MRPS27: variants seen among roughly 807,000 people sequenced by gnomAD.
The protein encoded by MRPS27 is small ribosomal subunit protein mS27.
MRPS27 carries 43 observed loss-of-function variants against 48.9 expected under a neutral mutation model. The ratio of observed to expected loss-of-function variants is 0.88; its 90% CI spans 0.69 to 1.13. The LOEUF (loss-of-function observed/expected upper bound fraction) is 1.13. MRPS27 is among the 50% of genes most tolerant of loss of function. MRPS27 has a pLI of 0.00. For synonymous variants in MRPS27, 188 were observed against 171.9 expected, an observed-to-expected ratio of 1.09 and a Z score of -0.73; for missense variants, 467 against 476.3, an observed-to-expected ratio of 0.98 and a Z score of 0.18.
At chr5:72,266,613 A>G (rs1033718509) in intron 4 of MRPS27, among the ~76,000 whole-genome samples, 2 of 152,218 alleles carry the variant, frequency 1.3e-5, no homozygotes, top group African/African-American at 4.8e-5. Context: ...TAATCCCAGC[A>G]CTTTGGGAGG....
At chr5:72,269,820 T>A (rs1407724221) in intron 4 of MRPS27, among the ~76,000 whole-genome samples, 1 of 152,000 alleles carries the variant, frequency 6.6e-6, no homozygotes, top group Non-Finnish European at 1.5e-5. Context: ...AACAGAAAAA[T>A]TTCTTGGGAT....
chr5:72,230,484 T>C (rs1748030687), intron 7 of MRPS27, among the ~76,000 whole-genome samples: 1 of 152,208 alleles, frequency 6.6e-6, no homozygotes, highest in Admixed American at 6.5e-5. Context: ...ATGCATTTAA[T>C]TGACTTTTTT....
chr5:72,296,348 A>T (rs1490365263), intron 3 of MRPS27, among the ~76,000 whole-genome samples: 2 of 152,182 alleles, frequency 1.3e-5, no homozygotes, highest in Non-Finnish European at 2.9e-5. Context: ...GCACTTCTGG[A>T]CTTGACTTAG....
chr5:72,230,363 TAA>T (rs907042143), intron 7 of MRPS27, among the ~76,000 whole-genome samples: 4 of 152,212 alleles, frequency 2.6e-5, no homozygotes, highest in African/African-American at 9.6e-5. Context: ...CTAGGCATCT[TAA>T]AAGAGTTGTC....
intron 4 of MRPS27, among the ~76,000 whole-genome samples, chr5:72,265,358 G>A (rs1247914185): frequency 6.6e-6 from 1 of 152,154 alleles, no homozygotes; most frequent in Non-Finnish European, 1.5e-5. Flanking sequence ...CTTAAGATTT[G>A]GCAGACTTTT....
intron 3 of MRPS27, among the ~76,000 whole-genome samples, chr5:72,297,241 TTTAACA>T (rs1483788077): frequency 6.6e-6 from 1 of 152,218 alleles, no homozygotes; most frequent in Non-Finnish European, 1.5e-5. Context: ...GCAGTTTAAC[TTTAACA>T]TTAATATCCA....
intron 4 of MRPS27, among the ~76,000 whole-genome samples, chr5:72,270,098 C>CG (rs1431855814): frequency 1.3e-5 from 2 of 151,116 alleles, no homozygotes; most frequent in Non-Finnish European, 3.0e-5. Context: ...GAGGCTGAGG[C>CG]GGGAGAATCT....
chr5:72,314,313 A>T, intron 1 of MRPS27, 155 bp from the exon 2 acceptor site: 1 of 462,816 alleles, frequency 2.2e-6, no homozygotes, highest in Non-Finnish European at 3.8e-6. Flanking sequence ...ATAGTTGACA[A>T]TTCAGTGAAG....
rs552113738 is a variant in MRPS27 at position 72,240,312 on chromosome 5, G to A, written c.282-2184C>T. 4.6e-5 allele frequency among the ~76,000 whole-genome samples: 7 copies of A among 152,314 alleles called. No homozygotes were observed. In the South Asian group the frequency reaches 1.4e-3, roughly 32 times the overall value. ...TTAATAATAATACGAGGTGGAGCATGATAAGTGCTAAAGACAAAAGGGATT... is the reference window on the plus strand; with the variant it reads ...TTAATAATAATACGAGGTGGAGCATAATAAGTGCTAAAGACAAAAGGGATT... On this transcript the variant is annotated intron_variant, in intron 4 of 10. Coordinates refer to ENST00000261413, the MANE Select transcript of MRPS27 (RefSeq NM_015084.3).
intron 4 of MRPS27, among the ~76,000 whole-genome samples, chr5:72,238,994 T>C (rs1380867963): frequency 6.6e-6 from 1 of 152,160 alleles, no homozygotes; most frequent in Non-Finnish European, 1.5e-5. Flanking sequence ...CCTCTTTTTA[T>C]TTATCTACTT....
intron 4 of MRPS27, among the ~76,000 whole-genome samples, chr5:72,273,557 T>C (rs1329543429): frequency 6.6e-6 from 1 of 152,210 alleles, no homozygotes; most frequent in Non-Finnish European, 1.5e-5. Flanking sequence ...TACAAACCTG[T>C]ACCGCGTGGG....
intron 4 of MRPS27, among the ~76,000 whole-genome samples, chr5:72,264,546 AGAT>A (rs1425164036): frequency 1.3e-5 from 2 of 152,242 alleles, no homozygotes; most frequent in Admixed American, 1.3e-4. Context: ...AATCAAGTTA[AGAT>A]GAGGTCTTTG....
At chr5:72,236,661 C>T (rs1054317614) in intron 5 of MRPS27, among the ~76,000 whole-genome samples, 2 of 152,080 alleles carry the variant, frequency 1.3e-5, no homozygotes, top group African/African-American at 2.4e-5. Context: ...ATCTTTTACT[C>T]GCTTCCTTAC....
intron 7 of MRPS27, among the ~76,000 whole-genome samples, chr5:72,231,004 A>G (rs1404991817): frequency 6.6e-6 from 1 of 152,134 alleles, no homozygotes; most frequent in Non-Finnish European, 1.5e-5. Context: ...GACCATAGCC[A>G]TCCTTGCCCT....
intron 9 of MRPS27, among the ~76,000 whole-genome samples, chr5:72,224,418 C>T (rs759932504): frequency 3.3e-5 from 5 of 152,114 alleles, no homozygotes; most frequent in Non-Finnish European, 7.4e-5. Context: ...TAAGTGAATC[C>T]GCACAATGGC....
chr5:72,271,173 T>C (rs1749231370), intron 4 of MRPS27, among the ~76,000 whole-genome samples: 1 of 152,232 alleles, frequency 6.6e-6, no homozygotes, highest in East Asian at 1.9e-4. Context: ...GGCTTGAAAT[T>C]TGGAAAGGAA....
intron 1 of MRPS27, among the ~76,000 whole-genome samples, chr5:72,318,551 T>A (rs1750627637): frequency 6.6e-6 from 1 of 152,184 alleles, no homozygotes; most frequent in Admixed American, 6.5e-5. Flanking sequence ...TCCCAGCACC[T>A]TGGGAAGTAG....
chr5:72,309,109 G>A lies in MRPS27; in HGVS notation c.151+4972C>T, dbSNP rs557635688. Among the ~76,000 whole-genome samples the A allele has an allele frequency of 7.3e-5, 11 of 151,516 alleles. No homozygotes were observed. In the South Asian group the frequency reaches 2.3e-3, roughly 32 times the overall value. ...AGGGCAGGAAACATCGATTCTGACTGGAGAGATTCAGGATATACAAAGATA... is the reference window on the plus strand; with the variant it reads ...AGGGCAGGAAACATCGATTCTGACTAGAGAGATTCAGGATATACAAAGATA... On this transcript the variant is annotated intron_variant, in intron 2 of 10. Transcript: ENST00000261413.
intron 4 of MRPS27, among the ~76,000 whole-genome samples, chr5:72,250,782 T>G (rs1748644488): frequency 6.6e-6 from 1 of 152,182 alleles, no homozygotes; most frequent in South Asian, 2.1e-4. Context: ...TATATATTTT[T>G]AAAGACAAGG....
Sources: allele counts gnomAD v4.1 joint callset (sites outside exome capture counted in the v4.1 genomes callset), GRCh38; gene constraint gnomAD v4.1.1; transcripts MANE v1.5; gene names NCBI Gene and HGNC (gene_info 2026-07-23, HGNC 2026-07-21).